The following MAN2B1 variants were observed in gnomAD, a reference collection of about 807,000 sequenced individuals.
MAN2B1 encodes the protein mannosidase alpha class 2B member 1, also known as lysosomal alpha-mannosidase.
Under a neutral mutation model 127.5 loss-of-function variants are expected in MAN2B1, and 99 were observed. The ratio of observed to expected loss-of-function variants is 0.78; its 90% CI spans 0.66 to 0.92. The LOEUF (loss-of-function observed/expected upper bound fraction) is 0.92. MAN2B1 is among the 40% of genes least tolerant of loss of function. MAN2B1 has a pLI of 0.00. For missense variants in MAN2B1, 1,304 were observed against 1,384.8 expected, an observed-to-expected ratio of 0.94 and a Z score of 0.93; for synonymous variants, 573 against 568.8, an observed-to-expected ratio of 1.01 and a Z score of -0.11.
At chr19:12,660,725 A>C (rs1250410607) in intron 7 of MAN2B1, among the ~76,000 whole-genome samples, 1 of 148,804 alleles carries the variant, frequency 6.7e-6, no homozygotes, top group Admixed American at 6.7e-5. Context: ...CAACACCTTG[A>C]TTATAGCCTG....
rs1269163497 is a variant in MAN2B1 at position 12,666,527 on chromosome 19, C to T, written c.159+16G>A. 1.9e-6 allele frequency: 3 copies of T among 1,573,830 alleles called. No individual in the cohort carries two copies. The highest frequency in any genetic ancestry group is 1.3e-5 in the African/African-American group (1 of 74,236). On this transcript the variant is annotated intron_variant, in intron 1 of 23. Transcript: ENST00000456935. Reference sequence around the variant, plus strand: ...ACTCTGCCTCCTGTACGTTTCAGCTCGGAGGCCCCACTCACCTCGTATCCC... The same window carrying T: ...ACTCTGCCTCCTGTACGTTTCAGCTTGGAGGCCCCACTCACCTCGTATCCC...
intron 6 of MAN2B1, among the ~76,000 whole-genome samples, 164 bp downstream of exon 6, chr19:12,663,153 G>C (rs549209673): frequency 6.6e-6 from 1 of 151,894 alleles, no homozygotes; most frequent in African/African-American, 2.4e-5. Context: ...GGCAGAGGTT[G>C]CAGTGAGCCG....
chr19:12,652,114 C>G, intron 16 of MAN2B1, 39 bp downstream of exon 16: 1 of 1,513,154 alleles, frequency 6.6e-7, no homozygotes, highest in South Asian at 1.1e-5. Context: ...CATAACTTCC[C>G]CATTCCCAAC....
intron 5 of MAN2B1, 112 bp from the exon 6 acceptor site, chr19:12,663,574 A>G: frequency 6.4e-7 from 1 of 1,550,560 alleles, no homozygotes. Context: ...CCAATGCAAA[A>G]GGAAATGCAG....
At chr19:12,652,507 G>C (rs761679102) in intron 14 of MAN2B1, 47 bp from the exon 15 acceptor site, 4 of 1,264,344 alleles carry the variant, frequency 3.2e-6, no homozygotes, top group Admixed American at 3.6e-5. Flanking sequence ...GTATGTGTGT[G>C]TGTTTTCTTT....
intron 7 of MAN2B1, chr19:12,660,752 ATTTTTTTTTTT>A (rs1168857464): frequency 9.8e-6 from 1 of 101,596 alleles, no homozygotes; most frequent in Non-Finnish European, 1.9e-5. Context: ...CTCAGGCTGG[ATTTTTTTTTTT>A]TTTTTTTTTT....
intron 14 of MAN2B1, among the ~76,000 whole-genome samples, chr19:12,653,293 C>G (rs1229610759): frequency 6.6e-6 from 1 of 151,844 alleles, no homozygotes; most frequent in Non-Finnish European, 1.5e-5. Flanking sequence ...ACTACAGGCA[C>G]ATGCCACCAC....
At position 12,664,826 on chromosome 19, in the gene MAN2B1, C is replaced by A; in HGVS notation, c.596G>T (p.Gly199Val). 1 of 1,613,756 alleles carries A rather than the reference C, an allele frequency of 6.2e-7. No individual in the cohort carries two copies. Among genetic ancestry groups the A allele is most frequent in the Non-Finnish European group, 8.5e-7 (1 of 1,179,906 alleles). The change falls in exon 4 of 24, where the codon GGC becomes GTC. Residue 199 changes from glycine to valine, a missense_variant. Gly to Val is a moderately radical substitution (Grantham distance 109, BLOSUM62 -3). Transcript: ENST00000456935. ...PRVAWHIDPF[G>V]HSREQASLFA... ...CAGCGAGGCCTGCTCCCGAGAGTGG[C>A]CGAAGGGGTCAATGTGCCAGGCCAC...
chr19:12,665,219 G>A, intron 3 of MAN2B1, 133 bp downstream of exon 3: 1 of 1,208,596 alleles, frequency 8.3e-7, no homozygotes, highest in South Asian at 1.2e-5. Flanking sequence ...GTCTCCAAAT[G>A]GAGAGTCCAG....
chr19:12,657,733 CG>C (rs1260549997), intron 10 of MAN2B1, 178 bp from the exon 11 acceptor site: 1 of 661,704 alleles, frequency 1.5e-6, no homozygotes, highest in African/African-American at 1.8e-5. Context: ...CCGAGGCGGG[CG>C]GATCACGAGG....
rs577191411 is a variant in MAN2B1, at chr19:12,660,293, C to A, written c.1026+967G>T. Reference sequence around the variant, plus strand: ...GGCCGAGCGGGGTGGATCACGAGGTCAAGAAATCGAGACCATCCTGGCCAA... The same window carrying A: ...GGCCGAGCGGGGTGGATCACGAGGTAAAGAAATCGAGACCATCCTGGCCAA... On this transcript the variant is annotated intron_variant, in intron 7 of 23. Transcript: ENST00000456935. Among the ~76,000 whole-genome samples, 166 of 152,238 alleles carry A rather than the reference C, an allele frequency of 1.1e-3. 1 individual carries two copies. Among genetic ancestry groups the A allele is most frequent in the Non-Finnish European group, 2.1e-3 (141 of 68,024 alleles).
intron 3 of MAN2B1, 152 bp from the exon 4 acceptor site, chr19:12,665,137 G>T: frequency 9.8e-7 from 1 of 1,023,990 alleles, no homozygotes; most frequent in Non-Finnish European, 1.5e-6. Context: ...CCAGATATGG[G>T]AAAGAGGCCC....
intron 11 of MAN2B1, 63 bp downstream of exon 11, chr19:12,657,383 C>T: frequency 7.0e-7 from 1 of 1,428,008 alleles, no homozygotes; most frequent in South Asian, 1.2e-5. Context: ...TCCCCTTTCC[C>T]AGGCCCTGGC....
At chr19:12,662,744 A>T (rs573897528) in intron 6 of MAN2B1, among the ~76,000 whole-genome samples, 2 of 152,122 alleles carry the variant, frequency 1.3e-5, no homozygotes, top group Admixed American at 1.3e-4. Flanking sequence ...GGTCAAGACC[A>T]GCCTGGTCAA....
intron 4 of MAN2B1, among the ~76,000 whole-genome samples, chr19:12,664,244 C>A (rs2024174900): frequency 6.6e-6 from 1 of 152,126 alleles, no homozygotes; most frequent in African/African-American, 2.4e-5. Context: ...AACAAAAACA[C>A]GTAGGGCTGA....
intron 6 of MAN2B1, 54 bp from the exon 7 acceptor site, chr19:12,661,430 A>G: frequency 1.7e-6 from 2 of 1,196,480 alleles, no homozygotes; most frequent in Non-Finnish European, 2.5e-6. Context: ...ATCCCTGTGT[A>G]TAGCTGTGTT....
intron 13 of MAN2B1, 132 bp from the exon 14 acceptor site, chr19:12,656,011 G>C (rs903927998): frequency 5.7e-6 from 4 of 701,508 alleles, no homozygotes; most frequent in Non-Finnish European, 7.4e-6. Context: ...GTGGTGGGGG[G>C]ACAGTCAGAT....
At position 12,658,082 on chromosome 19, in the gene MAN2B1, G is replaced by C. The variant is rs757526946; in HGVS notation, c.1290C>G (p.Ser430=). ...GLAANVGPYG[S]GDSAPLNEAM... is the part of the protein sequence containing the mutation. ...ACTTACTGAGGGGTGCACTGTCTCC[G>C]GAGCCATAGGGTCCCACGTTGGCCG... Residue 430 remains serine (S), a synonymous_variant, in exon 10 of 24, where the codon TCC becomes TCG. Transcript: ENST00000456935. 1 of 1,613,224 alleles carries C rather than the reference G, an allele frequency of 6.2e-7. No individual in the cohort carries two copies. Among genetic ancestry groups the C allele is most frequent in the East Asian group, 2.2e-5 (1 of 44,864 alleles).
intron 6 of MAN2B1, among the ~76,000 whole-genome samples, chr19:12,661,875 C>T (rs1004057687): frequency 2.0e-5 from 3 of 151,338 alleles, no homozygotes; most frequent in African/African-American, 7.3e-5. Context: ...GACAGAGTTT[C>T]ACTCTGCTGC....
Sources: gnomAD v4.1 joint callset for allele counts (sites outside exome capture counted in the v4.1 genomes callset) on GRCh38, gnomAD v4.1.1 for gene constraint, MANE v1.5 for transcripts, NCBI Gene and HGNC (gene_info 2026-07-23, HGNC 2026-07-21) for gene names.